The following SAMD8 variants were observed in gnomAD, a reference collection of about 807,000 sequenced individuals.
The protein encoded by SAMD8 is sphingomyelin synthase-related protein 1.
A neutral mutation model predicts 42.0 loss-of-function variants in SAMD8; 20 were observed. The ratio of observed to expected loss-of-function variants is 0.48; its 90% confidence interval spans 0.34 to 0.69. The LOEUF (loss-of-function observed/expected upper bound fraction) is 0.69. SAMD8 is among the 30% of genes least tolerant of loss of function. SAMD8 has a pLI of 0.01. For missense variants in SAMD8, 328 were observed against 511.6 expected (o/e 0.64, Z 3.46); for synonymous variants, 162 against 173.0 (o/e 0.94, Z 0.50).
intron 2 of SAMD8, among the ~76,000 whole-genome samples, chr10:75,160,748 C>G (rs1416531267): frequency 1.3e-5 from 2 of 152,020 alleles, no homozygotes; most frequent in African/African-American, 2.4e-5. Flanking sequence ...TGGAAGGTGG[C>G]CCTGCCCAAG....
chr10:75,100,345 A>G (rs970411538), intron 1 of SAMD8, among the ~76,000 whole-genome samples: 2 of 152,088 alleles, frequency 1.3e-5, no homozygotes, highest in Non-Finnish European at 2.9e-5. Context: ...CCCGATGCTC[A>G]GGGTGTTGCC....
intron 3 of SAMD8, among the ~76,000 whole-genome samples, chr10:75,167,153 A>T (rs911447768): frequency 6.6e-6 from 1 of 152,240 alleles, no homozygotes; most frequent in Non-Finnish European, 1.5e-5. Context: ...TATATACTTG[A>T]TATAAACATT....
At chr10:75,147,145 A>G (rs570460842) in intron 1 of SAMD8, among the ~76,000 whole-genome samples, 1 of 152,188 alleles carries the variant, frequency 6.6e-6, no homozygotes, top group Non-Finnish European at 1.5e-5. Context: ...GACAGTGGAA[A>G]AAAACATATA....
intron 1 of SAMD8, among the ~76,000 whole-genome samples, chr10:75,138,015 A>C (rs1273207528): frequency 6.6e-6 from 1 of 152,190 alleles, no homozygotes; most frequent in Admixed American, 6.5e-5. Flanking sequence ...AATTATGTGC[A>C]TGTGGTCAGC....
chr10:75,141,181 A>G (rs1364680190), intron 1 of SAMD8, among the ~76,000 whole-genome samples: 2 of 152,040 alleles, frequency 1.3e-5, no homozygotes, highest in African/African-American at 2.4e-5. Flanking sequence ...TGTTTCTACC[A>G]AAAATATTAA....
upstream of SAMD8, chr10:75,108,976 C>T (rs201157165): frequency 7.6e-6 from 12 of 1,570,072 alleles, no homozygotes; most frequent in South Asian, 3.5e-5. Flanking sequence ...TCCACGTCCC[C>T]ACCCCCATGC....
intron 1 of SAMD8, among the ~76,000 whole-genome samples, chr10:75,148,912 T>C (rs959568268): frequency 2.0e-5 from 3 of 152,220 alleles, no homozygotes; most frequent in African/African-American, 4.8e-5. Flanking sequence ...ATCACAATTA[T>C]ACAGCTTGAT....
chr10:75,164,556 G>A lies in SAMD8; in HGVS notation c.579-89G>A, dbSNP rs1840632144. 2.6e-6 allele frequency: 4 copies of A among 1,525,796 alleles called. No individual in the cohort carries two copies. In the African/African-American group the frequency reaches 5.6e-5, roughly 21 times the overall value. 94.5% of individuals were successfully genotyped at this position (1,525,796 alleles called of 1,614,324 possible). ...ATAAGTTATATAAAACCAATTTTAA[G>A]GTCATTATTAAAAGAGCACCTTACT... On this transcript the variant is annotated intron_variant, in intron 2 of 5. Transcript: ENST00000542569.
intron 1 of SAMD8, among the ~76,000 whole-genome samples, chr10:75,148,357 T>TTTTTTTTTTTTTTTG (rs1840196556): frequency 7.2e-6 from 1 of 138,362 alleles, no homozygotes; most frequent in African/African-American, 2.9e-5. Context: ...TTTTTTTTTT[T>TTTTTTTTTTTTTTTG]TTTTTTTTTT....
intron 3 of SAMD8, among the ~76,000 whole-genome samples, chr10:75,167,111 C>T (rs1840702430): frequency 6.6e-6 from 1 of 152,068 alleles, no homozygotes; most frequent in Non-Finnish European, 1.5e-5. Context: ...TCATGATTAC[C>T]CAAGTGACAG....
chr10:75,106,438 A>G (rs1848515807), intron 1 of SAMD8, among the ~76,000 whole-genome samples: 1 of 151,886 alleles, frequency 6.6e-6, no homozygotes, highest in South Asian at 2.1e-4. Flanking sequence ...ACTAACTTCC[A>G]CTACTCATCC....
At chr10:75,136,141 A>G (rs1440983950) in intron 1 of SAMD8, among the ~76,000 whole-genome samples, 1 of 151,718 alleles carries the variant, frequency 6.6e-6, no homozygotes. Flanking sequence ...TTTAATTTGT[A>G]GTATGGTACT....
At chr10:75,117,161 G>A (rs1848902938) in intron 1 of SAMD8, among the ~76,000 whole-genome samples, 1 of 151,602 alleles carries the variant, frequency 6.6e-6, no homozygotes, top group South Asian at 2.1e-4. Flanking sequence ...GGTGACTCAT[G>A]CATGTAATCC....
At chr10:75,136,452 A>G (rs750333564) in intron 1 of SAMD8, among the ~76,000 whole-genome samples, 2 of 152,194 alleles carry the variant, frequency 1.3e-5, no homozygotes, top group Non-Finnish European at 2.9e-5. Context: ...CTTACCTAGA[A>G]TTGGACCAGA....
intron 1 of SAMD8, among the ~76,000 whole-genome samples, chr10:75,148,342 C>T (rs1840192568): frequency 8.5e-6 from 1 of 117,640 alleles, no homozygotes; most frequent in South Asian, 2.7e-4. Flanking sequence ...CAGAGCAATA[C>T]CAGCTTTTTT....
At chr10:75,174,288 C>G (rs967456141) in intron 4 of SAMD8, among the ~76,000 whole-genome samples, 2 of 152,102 alleles carry the variant, frequency 1.3e-5, no homozygotes, top group African/African-American at 4.8e-5. Context: ...CGCCACCAAG[C>G]CCGGCTAATT....
intron 1 of SAMD8, among the ~76,000 whole-genome samples, chr10:75,129,528 G>A (rs1650012797): frequency 1.3e-5 from 2 of 152,248 alleles, no homozygotes; most frequent in South Asian, 2.1e-4. Context: ...GTGAGCCACC[G>A]CACCCGGCCT....
At chr10:75,130,156 A>G (rs570581458) in intron 1 of SAMD8, among the ~76,000 whole-genome samples, 113 of 152,212 alleles carry the variant, frequency 7.4e-4, no homozygotes, top group Non-Finnish European at 1.2e-3. Context: ...ATGTCTTTAT[A>G]TTAAACAGTT....
intron 1 of SAMD8, among the ~76,000 whole-genome samples, chr10:75,123,162 TCACCCCACCCCACCC>T (rs60218062): frequency 0.038 from 3,832 of 99,664 alleles, 97 homozygotes; most frequent in Admixed American, 0.049. Context: ...CCACCCCACC[TCACCCCACCCCACCC>T]CACCCCACCC....
Sources: gnomAD v4.1 joint callset for allele counts (sites outside exome capture counted in the v4.1 genomes callset) on GRCh38, gnomAD v4.1.1 for gene constraint, MANE v1.5 for transcripts, NCBI Gene and HGNC (gene_info 2026-07-23, HGNC 2026-07-21) for gene names.